The following KDM4C variants were observed in gnomAD, a reference collection of about 807,000 sequenced individuals.
The protein encoded by KDM4C is lysine demethylase 4C, also known as lysine-specific demethylase 4C.
Under a neutral mutation model 129.3 loss-of-function variants are expected in KDM4C, and 81 were observed. The observed-to-expected ratio is 0.63, with a 90% CI of 0.52 to 0.75. KDM4C has a LOEUF of 0.75. Among genes scored for constraint, KDM4C ranks in the 30% least tolerant of loss-of-function variants. The pLI, the probability that KDM4C is intolerant of heterozygous loss-of-function variation, is 0.00. For missense variants in KDM4C, 1,457 were observed against 1,304.0 expected, an observed-to-expected ratio of 1.12 and a Z score of -1.81; for synonymous variants, 573 against 456.1, an observed-to-expected ratio of 1.26 and a Z score of -3.26.
chr9:7,166,130 A>G (rs1328874893), intron 20 of KDM4C, among the ~76,000 whole-genome samples: 1 of 152,224 alleles, frequency 6.6e-6, no homozygotes, highest in Non-Finnish European at 1.5e-5. Context: ...TCAGAAATCA[A>G]GATTCTCAGG....
intron 8 of KDM4C, among the ~76,000 whole-genome samples, chr9:6,966,920 TA>T (rs1295842870): frequency 2.6e-5 from 4 of 152,076 alleles, no homozygotes; most frequent in Non-Finnish European, 5.9e-5. Context: ...GCAATAATCA[TA>T]AAAAAATTGA....
chr9:6,827,856 T>C (rs1221121843), intron 4 of KDM4C, among the ~76,000 whole-genome samples: 1 of 152,214 alleles, frequency 6.6e-6, no homozygotes, highest in Non-Finnish European at 1.5e-5. Context: ...ATTTATCTGC[T>C]AGCATGTTAT....
intron 15 of KDM4C, among the ~76,000 whole-genome samples, chr9:7,016,179 G>A (rs1306608479): frequency 6.6e-6 from 1 of 150,782 alleles, no homozygotes; most frequent in Non-Finnish European, 1.5e-5. Flanking sequence ...CCAGGCTAGA[G>A]TGCAGTGGCA....
chr9:7,074,920 A>G (rs1294134036), intron 17 of KDM4C, among the ~76,000 whole-genome samples: 1 of 152,226 alleles, frequency 6.6e-6, no homozygotes, highest in Non-Finnish European at 1.5e-5. Flanking sequence ...TTAGGAGTTT[A>G]CAAAGGTCTC....
At chr9:6,817,179 A>G (rs1183115829) in intron 4 of KDM4C, among the ~76,000 whole-genome samples, 1 of 138,964 alleles carries the variant, frequency 7.2e-6, no homozygotes, top group African/African-American at 2.6e-5. Flanking sequence ...ATGAAAGAAG[A>G]TTGGCCCCTC....
Position 6,968,261 on chromosome 9 carries a change from A to T in KDM4C, c.922-12664A>T, listed in dbSNP as rs182441815. ...GAGGCTGAAGTGGGAGATTCACTTG[A>T]GATCAGGATTTTGAGACCAGCCTGG... On this transcript the variant is annotated intron_variant, in intron 8 of 21. Transcript: ENST00000381309. Among the ~76,000 whole-genome samples, 798 of 152,266 alleles carry T rather than the reference A, an allele frequency of 5.2e-3. 14 individuals carry two copies. The highest frequency in any genetic ancestry group is 0.019 in the African/African-American group (778 of 41,552).
intron 17 of KDM4C, among the ~76,000 whole-genome samples, chr9:7,093,815 C>T (rs1014815845): frequency 6.6e-6 from 1 of 152,108 alleles, no homozygotes; most frequent in African/African-American, 2.4e-5. Context: ...TATTTTGAAA[C>T]TGTCTCTGGA....
intron 1 of KDM4C, among the ~76,000 whole-genome samples, chr9:6,791,082 C>A (rs72699673): frequency 0.33 from 50,426 of 151,892 alleles, 8,552 homozygotes; most frequent in Middle Eastern, 0.36. Flanking sequence ...TTAACTCTCC[C>A]CCTTTCTGGG....
At chr9:6,969,616 C>G (rs1043790406) in intron 8 of KDM4C, among the ~76,000 whole-genome samples, 1 of 152,214 alleles carries the variant, frequency 6.6e-6, no homozygotes, top group Non-Finnish European at 1.5e-5. Context: ...ATAACGCATT[C>G]CATCCCATGC....
intron 17 of KDM4C, among the ~76,000 whole-genome samples, chr9:7,070,360 A>T (rs73639965): frequency 0.18 from 26,868 of 152,072 alleles, 2,867 homozygotes; most frequent in South Asian, 0.41. Flanking sequence ...AAAAAATTAG[A>T]AGTGAAGGGA....
chr9:6,849,070 A>T (rs534446637), intron 4 of KDM4C, among the ~76,000 whole-genome samples: 2 of 152,338 alleles, frequency 1.3e-5, no homozygotes, highest in South Asian at 4.1e-4. Flanking sequence ...GTGATATGTG[A>T]TGGTGAATAT....
At chr9:6,854,375 A>AT (rs1195062613) in intron 5 of KDM4C, among the ~76,000 whole-genome samples, 1 of 151,982 alleles carries the variant, frequency 6.6e-6, no homozygotes, top group African/African-American at 2.4e-5. Context: ...AAAATACAAA[A>AT]TTAGCCGGGT....
intron 1 of KDM4C, among the ~76,000 whole-genome samples, chr9:6,784,507 C>T (rs1825051901): frequency 6.6e-6 from 1 of 152,116 alleles, no homozygotes; most frequent in South Asian, 2.1e-4. Flanking sequence ...GGTGAGATTA[C>T]AGGTGTGAGC....
At chr9:7,047,812 C>T (rs1313443173) in intron 16 of KDM4C, among the ~76,000 whole-genome samples, 1 of 151,958 alleles carries the variant, frequency 6.6e-6, no homozygotes, top group African/African-American at 2.4e-5. Flanking sequence ...AACCCAGTGT[C>T]AGTGGGGCAG....
At chr9:7,131,880 T>C (rs758872719) in intron 19 of KDM4C, among the ~76,000 whole-genome samples, 4 of 152,222 alleles carry the variant, frequency 2.6e-5, no homozygotes, top group South Asian at 2.1e-4. Flanking sequence ...TTTCATTAGG[T>C]GATATACCTG....
intron 19 of KDM4C, among the ~76,000 whole-genome samples, chr9:7,163,216 T>C (rs2130383998): frequency 6.6e-6 from 1 of 152,210 alleles, no homozygotes; most frequent in African/African-American, 2.4e-5. Flanking sequence ...ATAGTGCCTC[T>C]CAGTCAAAAG....
intron 1 of KDM4C, among the ~76,000 whole-genome samples, chr9:6,779,462 C>T (rs1823840264): frequency 6.6e-6 from 1 of 152,178 alleles, no homozygotes; most frequent in African/African-American, 2.4e-5. Context: ...ATTCCTGACC[C>T]CTAGATCATA....
intron 11 of KDM4C, among the ~76,000 whole-genome samples, chr9:6,988,501 A>G (rs999544230): frequency 1.8e-5 from 1 of 55,972 alleles, no homozygotes; most frequent in African/African-American, 4.1e-5. Flanking sequence ...TTCTTACACC[A>G]TGGTGTTGGA....
intron 20 of KDM4C, among the ~76,000 whole-genome samples, chr9:7,166,421 G>A (rs1844388256): frequency 6.8e-6 from 1 of 146,666 alleles, no homozygotes; most frequent in African/African-American, 2.6e-5. Context: ...ATGGATAGGG[G>A]AGGATGTATA....
Sources: gnomAD v4.1 joint callset for allele counts (sites outside exome capture counted in the v4.1 genomes callset) on GRCh38, gnomAD v4.1.1 for gene constraint, MANE v1.5 for transcripts, NCBI Gene and HGNC (gene_info 2026-07-23, HGNC 2026-07-21) for gene names.